The following KDM4C variants were observed in gnomAD, a reference collection of about 807,000 sequenced individuals.
KDM4C encodes lysine-specific demethylase 4C.
In KDM4C, 81 loss-of-function variants were observed where a neutral mutation model predicts 129.3. The observed-to-expected ratio is 0.63, with a 90% CI of 0.52 to 0.75. The LOEUF is 0.75. KDM4C is among the 30% of genes least tolerant of loss of function. The pLI is 0.00. For synonymous variants in KDM4C, 573 were observed against 456.1 expected (o/e 1.26, Z -3.26); for missense variants, 1,457 against 1,304.0 (o/e 1.12, Z -1.81).
At chr9:6,784,861 A>C (rs922383221) in intron 1 of KDM4C, among the ~76,000 whole-genome samples, 2 of 152,338 alleles carry the variant, frequency 1.3e-5, no homozygotes, top group East Asian at 3.9e-4. Context: ...ATAACTGGGT[A>C]GATGTGCTAA....
chr9:6,978,077 T>G (rs1563921537), intron 8 of KDM4C, among the ~76,000 whole-genome samples: 1 of 152,226 alleles, frequency 6.6e-6, no homozygotes, highest in Admixed American at 6.5e-5. Context: ...AGCAACATTC[T>G]ACAAGAACAA....
intron 5 of KDM4C, among the ~76,000 whole-genome samples, chr9:6,858,899 A>C (rs1289110540): frequency 1.3e-5 from 2 of 149,772 alleles, no homozygotes; most frequent in African/African-American, 4.9e-5. Context: ...TTTAGATTGG[A>C]GTTGGTAGAA....
At chr9:7,138,680 A>G (rs1222230142) in intron 19 of KDM4C, among the ~76,000 whole-genome samples, 1 of 152,068 alleles carries the variant, frequency 6.6e-6, no homozygotes, top group African/African-American at 2.4e-5. Context: ...TTAGCCAGGC[A>G]TGGTGACGTG....
At chr9:6,901,734 A>C (rs1274941985) in intron 8 of KDM4C, among the ~76,000 whole-genome samples, 1 of 152,224 alleles carries the variant, frequency 6.6e-6, no homozygotes, top group East Asian at 1.9e-4. Context: ...AGAAGGAAAA[A>C]GATTCATTGA....
intron 8 of KDM4C, among the ~76,000 whole-genome samples, chr9:6,938,493 G>C (rs1330635536): frequency 6.6e-6 from 1 of 152,172 alleles, no homozygotes; most frequent in Admixed American, 6.5e-5. Context: ...AAAACCGACC[G>C]TATGAAGCTG....
chr9:6,949,816 T>G (rs1314234999), intron 8 of KDM4C, among the ~76,000 whole-genome samples: 6 of 152,080 alleles, frequency 3.9e-5, no homozygotes, highest in Non-Finnish European at 2.9e-5. Context: ...CGGCTCGGCA[T>G]CAGAGGGAGA....
Position 6,904,280 on chromosome 9 carries a change from A to G in KDM4C, c.921+11048A>G, listed in dbSNP as rs959972013. ...AATCTGTATCTATGTCTATCTATAT[A>G]TTTATACCTATATCTATATATGTCT... On this transcript the variant is annotated intron_variant, in intron 8 of 21. Transcript: ENST00000381309. Among the ~76,000 whole-genome samples, 6 of 152,234 alleles carry G rather than the reference A, an allele frequency of 3.9e-5. No homozygotes were observed. The South Asian group carries it at 1.2e-3, about 32-fold the overall frequency.
chr9:6,980,367 T>A (rs1235486264), intron 8 of KDM4C, among the ~76,000 whole-genome samples: 1 of 152,192 alleles, frequency 6.6e-6, no homozygotes, highest in Non-Finnish European at 1.5e-5. Flanking sequence ...GTTGTTGTTG[T>A]TGATGGTATT....
At chr9:6,732,419 G>A (rs562555662) in intron 1 of KDM4C, among the ~76,000 whole-genome samples, 24 of 134,270 alleles carry the variant, frequency 1.8e-4, no homozygotes, top group East Asian at 1.2e-3. Flanking sequence ...GCCGGAAGTT[G>A]TGGCTCACAC....
chr9:7,073,876 G>C, intron 17 of KDM4C, among the ~76,000 whole-genome samples: 1 of 152,152 alleles, frequency 6.6e-6, no homozygotes, highest in East Asian at 1.9e-4. Flanking sequence ...TCAGAGAGGT[G>C]CAGAGAGACG....
At chr9:6,866,891 G>GTATATATATATACATATATATA (rs1842067927) in intron 5 of KDM4C, among the ~76,000 whole-genome samples, 2 of 128,476 alleles carry the variant, frequency 1.6e-5, no homozygotes, top group African/African-American at 6.3e-5. Context: ...ACTTGGTGCT[G>GTATATATATATACATATATATA]TATATATATA....
rs1177102195 is a variant in KDM4C at position 7,042,214 on chromosome 9, A to G, written c.2260-4648A>G. On this transcript the variant is annotated intron_variant, in intron 15 of 21. Transcript: ENST00000381309. Reference sequence around the variant, plus strand: ...CTGAGGCACAGAGGTTGAGTAACTGATCACAGTCATAAGAGTAATAAATGG... The same window carrying G: ...CTGAGGCACAGAGGTTGAGTAACTGGTCACAGTCATAAGAGTAATAAATGG... 3.3e-5 allele frequency among the ~76,000 whole-genome samples: 5 copies of G among 152,056 alleles called. No individual in the cohort carries two copies. The East Asian group carries it at 9.6e-4, about 29-fold the overall frequency.
At chr9:7,077,239 G>A (rs1306115804) in intron 17 of KDM4C, 10 of 984,888 alleles carry the variant, frequency 1.0e-5, no homozygotes, top group African/African-American at 1.7e-5. Context: ...ACAATATGGT[G>A]AATTAAAGAT....
intron 17 of KDM4C, among the ~76,000 whole-genome samples, chr9:7,063,593 C>G (rs1294605942): frequency 6.6e-6 from 1 of 152,078 alleles, no homozygotes; most frequent in Non-Finnish European, 1.5e-5. Flanking sequence ...CTGGTCTTAA[C>G]GATATTACAG....
chr9:7,059,394 C>T (rs749022366), intron 17 of KDM4C, among the ~76,000 whole-genome samples: 4 of 152,162 alleles, frequency 2.6e-5, no homozygotes, highest in Admixed American at 6.5e-5. Flanking sequence ...TAAGCCACCG[C>T]GCCTAGCCCT....
At chr9:7,102,387 C>T (rs143315244) in intron 17 of KDM4C, among the ~76,000 whole-genome samples, 42 of 126,324 alleles carry the variant, frequency 3.3e-4, no homozygotes, top group African/African-American at 4.3e-4. Context: ...ATATTAAGTA[C>T]GATGGTGGTG....
intron 4 of KDM4C, among the ~76,000 whole-genome samples, chr9:6,819,843 T>C (rs987822848): frequency 1.3e-5 from 2 of 152,238 alleles, no homozygotes; most frequent in African/African-American, 4.8e-5. Context: ...ATCTTTATAT[T>C]GTTTAATTCT....
At chr9:6,884,228 A>G (rs572608559) in intron 6 of KDM4C, among the ~76,000 whole-genome samples, 2 of 152,012 alleles carry the variant, frequency 1.3e-5, no homozygotes, top group African/African-American at 4.8e-5. Context: ...CTGAGTAACC[A>G]CTCCGTGAAC....
intron 4 of KDM4C, among the ~76,000 whole-genome samples, chr9:6,846,134 C>G (rs905152174): frequency 6.6e-6 from 1 of 152,116 alleles, no homozygotes; most frequent in Non-Finnish European, 1.5e-5. Flanking sequence ...AACCTCAGAT[C>G]TTTGTTGACA....
Sources: allele counts gnomAD v4.1 joint callset (sites outside exome capture counted in the v4.1 genomes callset), GRCh38; gene constraint gnomAD v4.1.1; transcripts MANE v1.5; gene names NCBI Gene and HGNC (gene_info 2026-07-23, HGNC 2026-07-21).